Variants in ZNF782 observed in about 807,000 individuals in gnomAD.
ZNF782 encodes zinc finger protein 782.
A neutral mutation model predicts 13.0 loss-of-function variants in ZNF782; 12 were observed. That is an observed-to-expected ratio of 0.92 (90% CI 0.59 to 1.50). ZNF782 has a LOEUF of 1.50. ZNF782 is among the 40% of genes most tolerant of loss of function. The pLI is 0.00. For missense variants in ZNF782, 770 were observed against 822.9 expected, an observed-to-expected ratio of 0.94 and a Z score of 0.79; for synonymous variants, 284 against 283.0, an observed-to-expected ratio of 1.00 and a Z score of -0.04.
the ZNF782 span, among the ~76,000 whole-genome samples, chr9:96,883,841 G>T: frequency 1.3e-5 from 2 of 152,218 alleles, no homozygotes; most frequent in Admixed American, 1.3e-4. Context: ...ACTGCAGGGT[G>T]ATGAGTTCTC....
chr9:96,882,401 C>A, the ZNF782 span, among the ~76,000 whole-genome samples: 1 of 152,100 alleles, frequency 6.6e-6, no homozygotes, highest in Non-Finnish European at 1.5e-5. Context: ...TGATAAATTC[C>A]TTTTAAGTTT....
At chr9:96,882,015 GTGTA>G in the ZNF782 span, among the ~76,000 whole-genome samples, 1 of 150,706 alleles carries the variant, frequency 6.6e-6, no homozygotes, top group Non-Finnish European at 1.5e-5. Context: ...GTGTGTGTGT[GTGTA>G]TACTCATTGT....
At chr9:96,932,769 C>T in the ZNF782 span, among the ~76,000 whole-genome samples, 2 of 151,652 alleles carry the variant, frequency 1.3e-5, no homozygotes, top group Non-Finnish European at 1.5e-5. Context: ...TCTGCTGCCT[C>T]AGCTTCCTGA....
chr9:96,828,808 T>C (rs886620658), intron 4 of ZNF782, among the ~76,000 whole-genome samples: 2 of 152,146 alleles, frequency 1.3e-5, no homozygotes, highest in Admixed American at 6.5e-5. Context: ...TAATGACCTA[T>C]ATAAACCCTC....
At chr9:96,881,897 C>T in the ZNF782 span, among the ~76,000 whole-genome samples, 2 of 151,754 alleles carry the variant, frequency 1.3e-5, no homozygotes, top group Non-Finnish European at 2.9e-5. Flanking sequence ...TGGTTATTTA[C>T]GTCTTCTGCA....
At position 96,818,559 on chromosome 9, in the gene ZNF782, G is replaced by T. The variant is rs750149255; in HGVS notation, c.1464C>A (p.Ser488Arg). 1 of 1,612,526 alleles carries T rather than the reference G, an allele frequency of 6.2e-7. No homozygotes were observed. The highest frequency in any genetic ancestry group is 8.5e-7 in the Non-Finnish European group (1 of 1,179,578). The change falls in exon 6 of 6, where the codon AGC becomes AGA. Residue 488 changes from serine (S) to arginine (R), a missense_variant. Physicochemically the swap from Ser to Arg is moderately radical, Grantham distance 110 (BLOSUM62 -1). Transcript: ENST00000481138. ...FECNECGKSF[S>R]HMSGLRNHRR... ...GGTGATTCCTTAGGCCTGACATATGGCTGAAAGATTTCCCGCATTCATTAC... is the reference window on the plus strand; with the variant it reads ...GGTGATTCCTTAGGCCTGACATATGTCTGAAAGATTTCCCGCATTCATTAC...
chr9:96,826,692 C>G (rs1850632421), intron 5 of ZNF782, among the ~76,000 whole-genome samples: 1 of 152,126 alleles, frequency 6.6e-6, no homozygotes, highest in Admixed American at 6.6e-5. Context: ...TGCCGAGGGG[C>G]TCACCGTGCC....
the ZNF782 span, among the ~76,000 whole-genome samples, chr9:96,909,877 C>G: frequency 6.6e-6 from 1 of 151,480 alleles, no homozygotes; most frequent in Non-Finnish European, 1.5e-5. Context: ...AGGGAGAAAA[C>G]AGTGCTAATG....
At chr9:96,878,345 C>T (rs1001886157), upstream of ZNF782, among the ~76,000 whole-genome samples, 28 of 152,192 alleles carry the variant, frequency 1.8e-4, no homozygotes, top group Admixed American at 1.4e-3. Flanking sequence ...CCACCGCGTC[C>T]GGACTCCCTT....
the ZNF782 span, chr9:96,887,328 AG>A: frequency 6.6e-6 from 1 of 150,988 alleles, no homozygotes; most frequent in Non-Finnish European, 1.5e-5. Flanking sequence ...GAAGGAAGGA[AG>A]GAAGGAAGGA....
chr9:96,931,685 A>G, the ZNF782 span: 1 of 1,608,606 alleles, frequency 6.2e-7, no homozygotes, highest in Non-Finnish European at 8.5e-7. Flanking sequence ...GGACCTGGAG[A>G]CGCCAGCTCA....
chr9:96,854,713 T>C (rs1027340842), upstream of ZNF782, among the ~76,000 whole-genome samples: 3 of 152,186 alleles, frequency 2.0e-5, no homozygotes, highest in Non-Finnish European at 2.9e-5. Flanking sequence ...CAGGGAGAAG[T>C]TAAAGGTTAA....
chr9:96,843,819 A>G (rs1005784354), intron 4 of ZNF782, among the ~76,000 whole-genome samples: 4 of 152,216 alleles, frequency 2.6e-5, no homozygotes, highest in African/African-American at 9.7e-5. Context: ...AAAAAATCAA[A>G]AACTGAAAAC....
In ZNF782 at chr9:96,844,916, T is replaced by C; in HGVS notation, c.116A>G (p.Glu39Gly). ...CACTGAGACGAGGTGGCTGTAGTTC[T>C]CCAGCATCACATCTCTGTACAGGGT... ...ERTLYRDVML[E>G]NYSHLVSVGY... Residue 39 changes from glutamate (E) to glycine (G), a missense_variant, in exon 4 of 6, where the codon GAG (glutamate) becomes GGG (glycine). Physicochemically the swap from Glu to Gly is moderately conservative, Grantham distance 98. Coordinates refer to ENST00000481138, the MANE Select transcript of ZNF782 (RefSeq NM_001001662.3). 6.2e-7 allele frequency: 1 copy of C among 1,613,996 alleles called. No homozygotes were observed.
chr9:96,842,081 AAACACAAT>A, intron 4 of ZNF782, among the ~76,000 whole-genome samples: 1 of 152,038 alleles, frequency 6.6e-6, no homozygotes. Flanking sequence ...CAGAAATTTA[AAACACAAT>A]GCCATTAACA....
intron 5 of ZNF782, among the ~76,000 whole-genome samples, chr9:96,825,612 AACAG>A (rs1178822188): frequency 6.6e-6 from 1 of 151,548 alleles, no homozygotes; most frequent in African/African-American, 2.4e-5. Context: ...CATCAGAGTG[AACAG>A]ACAACCTACA....
the ZNF782 span, among the ~76,000 whole-genome samples, chr9:96,912,551 T>C: frequency 2.0e-5 from 3 of 151,314 alleles, no homozygotes; most frequent in East Asian, 1.9e-4. Context: ...TTTTTTGAGA[T>C]GGAGTCTCGC....
upstream of ZNF782, chr9:96,875,757 T>G (rs766915488): frequency 2.7e-5 from 10 of 366,810 alleles, no homozygotes; most frequent in Non-Finnish European, 5.4e-5. Flanking sequence ...TCACTAGAAG[T>G]TGACAGGCTG....
the ZNF782 span, among the ~76,000 whole-genome samples, chr9:96,908,151 T>A: frequency 6.6e-6 from 1 of 151,826 alleles, no homozygotes; most frequent in South Asian, 2.1e-4. Flanking sequence ...CTAACTACCA[T>A]TGAGTAAGCA....
Sources: gnomAD v4.1 joint callset for allele counts (sites outside exome capture counted in the v4.1 genomes callset) on GRCh38, gnomAD v4.1.1 for gene constraint, MANE v1.5 for transcripts, NCBI Gene and HGNC (gene_info 2026-07-23, HGNC 2026-07-21) for gene names.